CLDN10: variants seen among roughly 807,000 people sequenced by gnomAD.
CLDN10 encodes the protein claudin 10.
Under a neutral mutation model 22.9 loss-of-function variants are expected in CLDN10, and 15 were observed. The ratio of observed to expected loss-of-function variants is 0.65; its 90% CI spans 0.44 to 1.01. The LOEUF is 1.01. Among genes scored for constraint, CLDN10 ranks in the 50% least tolerant of loss-of-function variants. The pLI is 0.00. For synonymous variants in CLDN10, 114 were observed against 111.4 expected, an observed-to-expected ratio of 1.02 and a Z score of -0.15; for missense variants, 247 against 287.8, an observed-to-expected ratio of 0.86 and a Z score of 1.03.
chr13:95,486,664 C>A (rs2042808040), intron 1 of CLDN10, among the ~76,000 whole-genome samples: 1 of 152,146 alleles, frequency 6.6e-6, no homozygotes, highest in Non-Finnish European at 1.5e-5. Flanking sequence ...GTACAGTGAA[C>A]CTGCCTCACA....
chr13:95,449,788 G>C (rs948436602), intron 1 of CLDN10, among the ~76,000 whole-genome samples: 4 of 144,726 alleles, frequency 2.8e-5, no homozygotes, highest in African/African-American at 1.0e-4. Flanking sequence ...CTGTCTCCCA[G>C]GCTGGAGTGC....
At chr13:95,443,632 G>C (rs2042345084) in intron 1 of CLDN10, among the ~76,000 whole-genome samples, 1 of 152,172 alleles carries the variant, frequency 6.6e-6, no homozygotes, top group Non-Finnish European at 1.5e-5. Flanking sequence ...TTTAGGATTG[G>C]CTCATTTTAA....
chr13:95,460,923 A>G (rs1208735072), intron 1 of CLDN10, among the ~76,000 whole-genome samples: 1 of 152,156 alleles, frequency 6.6e-6, no homozygotes, highest in African/African-American at 2.4e-5. Context: ...AGTCTGGCCA[A>G]CATGGTGAAA....
At chr13:95,507,496 G>A (rs1252557156) in intron 1 of CLDN10, among the ~76,000 whole-genome samples, 2 of 152,026 alleles carry the variant, frequency 1.3e-5, no homozygotes, top group Non-Finnish European at 2.9e-5. Flanking sequence ...TTATAAAGAC[G>A]ATGTGGGGTC....
At chr13:95,565,252 C>T (rs75232468) in intron 3 of CLDN10, among the ~76,000 whole-genome samples, 2,917 of 152,258 alleles carry the variant, frequency 0.019, 30 homozygotes, top group Non-Finnish European at 0.03. Context: ...AAACCACTAA[C>T]TTTCTGAATG....
At chr13:95,495,243 G>A (rs1172795171) in intron 1 of CLDN10, among the ~76,000 whole-genome samples, 1 of 151,560 alleles carries the variant, frequency 6.6e-6, no homozygotes, top group Non-Finnish European at 1.5e-5. Flanking sequence ...CATCATGTTG[G>A]CCAGGCTGGT....
intron 3 of CLDN10, among the ~76,000 whole-genome samples, chr13:95,574,120 T>C (rs1009773821): frequency 6.6e-5 from 10 of 152,218 alleles, no homozygotes; most frequent in African/African-American, 1.7e-4. Context: ...CAGTCCATCA[T>C]TGATGGACAT....
At chr13:95,571,366 A>T (rs2138679151) in intron 3 of CLDN10, among the ~76,000 whole-genome samples, 1 of 152,272 alleles carries the variant, frequency 6.6e-6, no homozygotes, top group East Asian at 1.9e-4. Flanking sequence ...ATTCTCTATG[A>T]AGTTTCCATA....
At chr13:95,571,014 CTTTTAA>C (rs1283888236) in intron 3 of CLDN10, among the ~76,000 whole-genome samples, 1 of 151,310 alleles carries the variant, frequency 6.6e-6, no homozygotes, top group Non-Finnish European at 1.5e-5. Flanking sequence ...TTTGTCATTG[CTTTTAA>C]TAGCAAAAAC....
intron 1 of CLDN10, among the ~76,000 whole-genome samples, chr13:95,516,337 C>T (rs2138573979): frequency 6.6e-6 from 1 of 151,922 alleles, no homozygotes; most frequent in African/African-American, 2.4e-5. Flanking sequence ...CATTGAAGTC[C>T]AACTCTTTGA....
At chr13:95,481,914 G>A (rs1482321393) in intron 1 of CLDN10, among the ~76,000 whole-genome samples, 1 of 152,126 alleles carries the variant, frequency 6.6e-6, no homozygotes, top group Non-Finnish European at 1.5e-5. Flanking sequence ...AGTAACTTGG[G>A]AGGCTGAGGC....
intron 1 of CLDN10, among the ~76,000 whole-genome samples, chr13:95,453,223 C>T (rs1385874352): frequency 6.6e-6 from 1 of 152,196 alleles, no homozygotes; most frequent in Non-Finnish European, 1.5e-5. Context: ...GGAGTCCCCT[C>T]CCTAAACATC....
intron 1 of CLDN10, among the ~76,000 whole-genome samples, chr13:95,526,925 G>A (rs1429515379): frequency 2.0e-5 from 3 of 152,200 alleles, no homozygotes; most frequent in African/African-American, 7.2e-5. Flanking sequence ...TGGAACAGGT[G>A]TCCCCTAGTT....
Position 95,440,105 on chromosome 13 carries a change from G to A in CLDN10, c.214+6058G>A, listed in dbSNP as rs148534352. Reference sequence around the variant, plus strand: ...ATTTTTGTATTTTTAGTAGAGGTGCGGTTTCACTATGTTGGCCAGGCTGGT... The same window carrying A: ...ATTTTTGTATTTTTAGTAGAGGTGCAGTTTCACTATGTTGGCCAGGCTGGT... On this transcript the variant is annotated intron_variant, in intron 1 of 4. Coordinates refer to the CLDN10 transcript ENST00000376873. 3.4e-3 allele frequency among the ~76,000 whole-genome samples: 521 copies of A among 152,010 alleles called. 20 individuals carry two copies. The East Asian group carries it at 0.071, about 21-fold the overall frequency.
intron 1 of CLDN10, among the ~76,000 whole-genome samples, chr13:95,512,574 G>A (rs2043116287): frequency 6.6e-6 from 1 of 152,166 alleles, no homozygotes; most frequent in Admixed American, 6.5e-5. Flanking sequence ...ATCTTAGTTT[G>A]TGCCACACAG....
intron 1 of CLDN10, among the ~76,000 whole-genome samples, chr13:95,538,063 G>A (rs1344301781): frequency 6.6e-6 from 1 of 151,040 alleles, no homozygotes; most frequent in Non-Finnish European, 1.5e-5. Context: ...GAAATTTTTG[G>A]TAGAGAACCA....
intron 3 of CLDN10, among the ~76,000 whole-genome samples, chr13:95,575,590 C>CGTGTGTGTGTGTGTGTGTGTGTGT (rs112441621): frequency 3.3e-5 from 5 of 151,624 alleles, no homozygotes; most frequent in African/African-American, 9.7e-5. Flanking sequence ...CTGCTCAGTT[C>CGTGTGTGTGTGTGTGTGTGTGTGT]GTGTGTGTGT....
chr13:95,457,140 G>T (rs79717817), intron 1 of CLDN10, among the ~76,000 whole-genome samples: 27 of 152,060 alleles, frequency 1.8e-4, no homozygotes, highest in African/African-American at 6.5e-4. Context: ...CTCTGTTGTT[G>T]TGTATGCATT....
At chr13:95,435,844 T>C (rs953718466) in intron 1 of CLDN10, among the ~76,000 whole-genome samples, 2 of 151,976 alleles carry the variant, frequency 1.3e-5, no homozygotes, top group Non-Finnish European at 2.9e-5. Flanking sequence ...TTTTTTGAGA[T>C]GGGGTTTCTC....
Sources: gnomAD v4.1 joint callset for allele counts (sites outside exome capture counted in the v4.1 genomes callset) on GRCh38, gnomAD v4.1.1 for gene constraint, MANE v1.5 for transcripts, NCBI Gene and HGNC (gene_info 2026-07-23, HGNC 2026-07-21) for gene names.